Variants in RBM10 observed in about 807,000 individuals in gnomAD.
RBM10 encodes RNA binding motif protein 10, also known as RNA-binding protein 10.
RBM10 carries 1 observed loss-of-function variant against 84.9 expected under a neutral mutation model. The observed-to-expected ratio is 0.01, with a 90% CI of 0.00 to 0.06. The LOEUF is 0.06. Among genes scored for constraint, RBM10 ranks in the 10% least tolerant of loss-of-function variants. The pLI, the probability that RBM10 is intolerant of heterozygous loss-of-function variation, is 1.00. For synonymous variants in RBM10, 326 were observed against 344.5 expected, an observed-to-expected ratio of 0.95 and a Z score of 0.60; for missense variants, 438 against 839.0, an observed-to-expected ratio of 0.52 and a Z score of 5.90.
chrX:47,164,875 C>T (rs1267009919), intron 2 of RBM10, among the ~76,000 whole-genome samples: 2 of 112,312 alleles, frequency 1.8e-5, no homozygotes, highest in African/African-American at 3.2e-5. Flanking sequence ...GTGGAAACAA[C>T]CCAAGTGTGC....
rs2147200161 is a variant in RBM10 at position 47,182,311 on chromosome X, C to A, written c.1935C>A (p.Thr645=). The A allele has an allele frequency of 1.0e-5, 12 of 1,205,449 alleles. No homozygotes were observed. Among genetic ancestry groups the A allele is most frequent in the Non-Finnish European group, 1.3e-5 (12 of 891,916 alleles). The part of the protein sequence containing the change: ...EGKEKKEKHK[T]KTAQQIAKDM... ...AAGAGAAGAAGGAGAAGCACAAGAC[C>A]AAGACAGCTCAACAGGTGAACACCA... Residue 645 remains threonine, a synonymous_variant, in exon 17 of 24, where the codon ACC becomes ACA. Transcript: ENST00000377604.
intron 2 of RBM10, among the ~76,000 whole-genome samples, chrX:47,164,014 G>A (rs1602533557): frequency 9.3e-6 from 1 of 107,635 alleles, no homozygotes; most frequent in East Asian, 2.9e-4. Context: ...GACTGCAGGC[G>A]CCCGCCACCA....
chrX:47,178,355 A>G (rs1935292577), intron 7 of RBM10, among the ~76,000 whole-genome samples: 1 of 111,500 alleles, frequency 9.0e-6, no homozygotes. Context: ...ATCCCAGGTC[A>G]AACCTCCCTG....
chrX:47,186,115 C>T lies in RBM10; in HGVS notation c.2481C>T (p.Ile827=), dbSNP rs1228667567. 25 of 1,211,815 alleles carry T rather than the reference C, an allele frequency of 2.1e-5. No homozygotes were observed. The highest frequency in any genetic ancestry group is 4.6e-4 in the Middle Eastern group (2 of 4,376). ...RAAERREKYG[I]PEPPEPKRRK... is the part of the protein sequence containing the mutation. Reference sequence around the variant, plus strand: ...CTGAACGCAGAGAAAAGTATGGCATCCCCGAGCCGCCAGAGCCCAAGAGGA... The same window carrying T: ...CTGAACGCAGAGAAAAGTATGGCATTCCCGAGCCGCCAGAGCCCAAGAGGA... Residue 827 remains isoleucine (I), a synonymous_variant, in exon 22 of 24, where the codon ATC becomes ATT. Coordinates refer to ENST00000377604, the MANE Select transcript of RBM10 (RefSeq NM_005676.5).
chrX:47,169,632 C>G, intron 3 of RBM10, 134 bp downstream of exon 3: 3 of 630,595 alleles, frequency 4.8e-6, no homozygotes, highest in Non-Finnish European at 7.2e-6. Flanking sequence ...CTTTGCCTCA[C>G]CTGGAGGGCC....
intron 2 of RBM10, among the ~76,000 whole-genome samples, chrX:47,155,959 G>A (rs1182437286): frequency 2.8e-5 from 3 of 106,071 alleles, no homozygotes; most frequent in Admixed American, 1.0e-4. Context: ...ACAGGCACGC[G>A]CCACCACACC....
At chrX:47,159,197 G>A (rs1006131911) in intron 2 of RBM10, among the ~76,000 whole-genome samples, 2 of 111,804 alleles carry the variant, frequency 1.8e-5, no homozygotes, top group African/African-American at 6.5e-5. Context: ...ATCACCTGAG[G>A]TAGGGAGTTC....
At chrX:47,146,416 T>C (rs1358407038) in intron 1 of RBM10, among the ~76,000 whole-genome samples, 2 of 111,753 alleles carry the variant, frequency 1.8e-5, no homozygotes, top group Non-Finnish European at 3.8e-5. Flanking sequence ...TGCACGAGCA[T>C]AGAGCAAAGG....
At chrX:47,145,695 A>G (rs1224053141) in intron 1 of RBM10, among the ~76,000 whole-genome samples, 2 of 77,857 alleles carry the variant, frequency 2.6e-5, no homozygotes, top group Non-Finnish European at 4.6e-5. Flanking sequence ...CGACTGGGAC[A>G]TGGGATGGGT....
At position 47,185,453 on chromosome X, in the gene RBM10, A is replaced by T. The variant is rs782710436; in HGVS notation, c.2178A>T (p.Arg726=). The change falls in exon 20 of 24, where the codon CGA becomes CGT. Residue 726 remains arginine, a synonymous_variant. Coordinates refer to ENST00000377604, the MANE Select transcript of RBM10 (RefSeq NM_005676.5). The stretch of plus-strand genomic sequence containing the variant: ...CTCACCCTCTACAGAGCCCTCCGCG[A>T]GGACTGGTGGCAGCCTACAGCGGGG... ...LASDDRPSPP[R]GLVAAYSGES... 1 of 1,173,480 alleles carries T rather than the reference A, an allele frequency of 8.5e-7. No homozygotes were observed. The highest frequency in any genetic ancestry group is 2.3e-4 in the Middle Eastern group (1 of 4,311).
chrX:47,149,784 G>C (rs892385647), intron 2 of RBM10, among the ~76,000 whole-genome samples: 20 of 109,418 alleles, frequency 1.8e-4, no homozygotes, highest in Non-Finnish European at 3.1e-4. Context: ...CCCAAGAGTA[G>C]ATGCCTGTTG....
At chrX:47,180,725 G>A (rs182488966) in intron 12 of RBM10, among the ~76,000 whole-genome samples, 2 of 111,634 alleles carry the variant, frequency 1.8e-5, no homozygotes, top group East Asian at 2.8e-4. Flanking sequence ...CCTCCCATGC[G>A]CTCATGTACG....
At chrX:47,167,807 T>C (rs782114309) in intron 2 of RBM10, among the ~76,000 whole-genome samples, 6 of 112,665 alleles carry the variant, frequency 5.3e-5, no homozygotes, top group Admixed American at 1.9e-4. Context: ...TTACATTAAT[T>C]TGTACCCAGC....
chrX:47,157,779 A>ATT, intron 2 of RBM10: 1 of 343,153 alleles, frequency 2.9e-6, no homozygotes, highest in South Asian at 4.9e-5. Flanking sequence ...CAGCTGCATG[A>ATT]CTTTTTTTTT....
At chrX:47,154,814 A>G (rs781918626) in intron 2 of RBM10, among the ~76,000 whole-genome samples, 61 of 109,935 alleles carry the variant, frequency 5.5e-4, no homozygotes, top group Admixed American at 1.8e-3. Flanking sequence ...AACTACTCAT[A>G]CCACTGACAG....
chrX:47,182,374 C>T (rs1556780349), intron 17 of RBM10, 48 bp downstream of exon 17: 2 of 1,175,070 alleles, frequency 1.7e-6, no homozygotes, highest in East Asian at 6.3e-5. Context: ...TGGTGTCTTC[C>T]AGCAACGGCA....
At chrX:47,169,964 AC>A (rs1934521299) in intron 3 of RBM10, among the ~76,000 whole-genome samples, 1 of 112,070 alleles carries the variant, frequency 8.9e-6, no homozygotes, top group African/African-American at 3.2e-5. Flanking sequence ...GAAGGGAAGG[AC>A]CCTTCTGGAG....
chrX:47,146,026 C>T (rs1441781990), intron 1 of RBM10, among the ~76,000 whole-genome samples: 1 of 109,625 alleles, frequency 9.1e-6, no homozygotes, highest in African/African-American at 3.3e-5. Flanking sequence ...GACCCTAACC[C>T]ACTTATTGGG....
chrX:47,180,922 A>T (rs1935479405), intron 12 of RBM10, among the ~76,000 whole-genome samples: 1 of 111,869 alleles, frequency 8.9e-6, no homozygotes, highest in Non-Finnish European at 1.9e-5. Context: ...AAGTAAGAAG[A>T]TGGTGTCTTC....
Sources: allele counts gnomAD v4.1 joint callset (sites outside exome capture counted in the v4.1 genomes callset), GRCh38; gene constraint gnomAD v4.1.1; transcripts MANE v1.5; gene names NCBI Gene and HGNC (gene_info 2026-07-23, HGNC 2026-07-21).